SHISA6: variants seen among roughly 807,000 people sequenced by gnomAD.
The protein encoded by SHISA6 is protein shisa-6.
SHISA6 carries 22 observed loss-of-function variants against 47.9 expected under a neutral mutation model. The ratio of observed to expected loss-of-function variants is 0.46; its 90% CI spans 0.33 to 0.66. The LOEUF (loss-of-function observed/expected upper bound fraction) is 0.66. SHISA6 is among the 30% of genes least tolerant of loss of function. The pLI, the probability that SHISA6 is intolerant of heterozygous loss-of-function variation, is 0.02. For synonymous variants in SHISA6, 388 were observed against 337.8 expected (o/e 1.15, Z -1.63); for missense variants, 680 against 764.6 (o/e 0.89, Z 1.30).
In SHISA6 at chr17:11,525,637, AAAAAAAAAAAAAAAC is replaced by A. The variant is rs1465675992; in HGVS notation, c.896-26245_896-26231del. Among the ~76,000 whole-genome samples the A allele has an allele frequency of 6.0e-3, 550 of 92,376 alleles. 3 individuals are homozygous for A. The highest frequency in any genetic ancestry group is 0.023 in the African/African-American group (501 of 21,554). The allele number at this position is 92,376 out of a possible 152,430, so 60.6% of individuals were successfully genotyped here. ...ACAGAGCAAGACTCCGTCTCAAAAA[AAAAAAAAAAAAAAAC>A]AAAAAAAAAAAAACGTGTTATAATA... is the stretch of plus-strand genomic sequence containing the variant. On this transcript the variant is annotated intron_variant, in intron 3 of 5. Coordinates refer to ENST00000441885, the MANE Select transcript of SHISA6 (RefSeq NM_207386.4).
intron 3 of SHISA6, among the ~76,000 whole-genome samples, chr17:11,467,650 C>G (rs1259907223): frequency 6.6e-6 from 1 of 152,182 alleles, no homozygotes. Context: ...CTTTCACTTC[C>G]TCTTAACTGG....
At chr17:11,490,503 T>C (rs1916447112) in intron 3 of SHISA6, among the ~76,000 whole-genome samples, 2 of 152,058 alleles carry the variant, frequency 1.3e-5, no homozygotes, top group African/African-American at 4.8e-5. Context: ...CTTTGCAAGC[T>C]TCAGGGAGTG....
chr17:11,467,804 G>A (rs11867182), intron 3 of SHISA6, among the ~76,000 whole-genome samples: 200 of 152,196 alleles, frequency 1.3e-3, no homozygotes, highest in African/African-American at 4.6e-3. Flanking sequence ...CTGAAAGCAG[G>A]GTTTGCTTTG....
At chr17:11,337,407 G>A (rs911497447) in intron 2 of SHISA6, among the ~76,000 whole-genome samples, 2 of 152,096 alleles carry the variant, frequency 1.3e-5, no homozygotes, top group Non-Finnish European at 2.9e-5. Flanking sequence ...CATGCACTTC[G>A]GGCTTGCACC....
chr17:11,287,878 T>A (rs564035341), intron 2 of SHISA6, among the ~76,000 whole-genome samples: 4 of 152,284 alleles, frequency 2.6e-5, no homozygotes, highest in African/African-American at 9.6e-5. Context: ...AGATCATTGT[T>A]AGTAACAGCT....
chr17:11,549,698 C>T (rs2071913664), intron 3 of SHISA6, among the ~76,000 whole-genome samples: 1 of 152,150 alleles, frequency 6.6e-6, no homozygotes, highest in Non-Finnish European at 1.5e-5. Context: ...AGAAGTGTTT[C>T]TTACTGACTG....
intron 2 of SHISA6, among the ~76,000 whole-genome samples, chr17:11,265,565 C>T (rs185126667): frequency 2.4e-4 from 37 of 152,274 alleles, no homozygotes; most frequent in African/African-American, 7.9e-4. Flanking sequence ...CACTGTTGAA[C>T]CCAACTCTGG....
chr17:11,320,594 G>T (rs971606697), intron 2 of SHISA6, among the ~76,000 whole-genome samples: 5 of 152,040 alleles, frequency 3.3e-5, no homozygotes, highest in African/African-American at 1.2e-4. Flanking sequence ...GGAGGTGGAG[G>T]CTTCAGTGAG....
chr17:11,364,620 A>G (rs1912385744), intron 2 of SHISA6, among the ~76,000 whole-genome samples: 1 of 152,174 alleles, frequency 6.6e-6, no homozygotes, highest in African/African-American at 2.4e-5. Context: ...CATTCTGGCT[A>G]TTTTCAATTC....
chr17:11,512,117 C>T (rs778308901), intron 3 of SHISA6, among the ~76,000 whole-genome samples: 1 of 152,194 alleles, frequency 6.6e-6, no homozygotes, highest in South Asian at 2.1e-4. Context: ...AATTTCATGT[C>T]GGCACCCTTT....
At chr17:11,256,591 C>T (rs551989913) in intron 1 of SHISA6, among the ~76,000 whole-genome samples, 19 of 152,306 alleles carry the variant, frequency 1.2e-4, no homozygotes, top group African/African-American at 4.3e-4. Context: ...GTTATGAACT[C>T]ATCTGTCCCC....
At chr17:11,370,629 C>T (rs1326909343) in intron 2 of SHISA6, among the ~76,000 whole-genome samples, 1 of 152,184 alleles carries the variant, frequency 6.6e-6, no homozygotes, top group Non-Finnish European at 1.5e-5. Flanking sequence ...GCCTGTGCTC[C>T]TCAAGCTTCC....
chr17:11,356,098 G>A (rs915496943), intron 2 of SHISA6, among the ~76,000 whole-genome samples: 2 of 152,214 alleles, frequency 1.3e-5, no homozygotes, highest in Admixed American at 1.3e-4. Flanking sequence ...AAAGTTAGTT[G>A]TATGTAGAGA....
chr17:11,428,505 A>G (rs1329653682), intron 3 of SHISA6, among the ~76,000 whole-genome samples: 1 of 152,254 alleles, frequency 6.6e-6, no homozygotes, highest in African/African-American at 2.4e-5. Context: ...TCTTTAAGGC[A>G]GGGATATGTT....
intron 2 of SHISA6, among the ~76,000 whole-genome samples, chr17:11,303,954 G>A (rs2142179909): frequency 6.6e-6 from 1 of 152,328 alleles, no homozygotes; most frequent in South Asian, 2.1e-4. Flanking sequence ...TTTCCAGCGT[G>A]CCAAAAGCTG....
rs189102125 is a variant in SHISA6 at position 11,454,947 on chromosome 17, A to G, written c.895+75438A>G. Among the ~76,000 whole-genome samples, 477 of 152,214 alleles carry G rather than the reference A, an allele frequency of 3.1e-3. 2 individuals are homozygous for G. The highest frequency in any genetic ancestry group is 5.0e-3 in the Non-Finnish European group (339 of 68,022). ...CACTTTGGGAGGCCAAGGTGGGTGG[A>G]TCACGAGGTCAGGAGATCAAGACCA... On this transcript the variant is annotated intron_variant, in intron 3 of 5. Transcript: ENST00000441885.
chr17:11,521,586 C>T (rs1197067032), intron 3 of SHISA6, among the ~76,000 whole-genome samples: 1 of 152,002 alleles, frequency 6.6e-6, no homozygotes, highest in Non-Finnish European at 1.5e-5. Flanking sequence ...GAGTTCGAGA[C>T]CAGCCTGGAC....
chr17:11,356,707 C>T (rs1912089284), intron 2 of SHISA6, among the ~76,000 whole-genome samples: 1 of 152,106 alleles, frequency 6.6e-6, no homozygotes. Context: ...ACCAGCCCTC[C>T]CCTCTATAAC....
intron 3 of SHISA6, among the ~76,000 whole-genome samples, chr17:11,462,545 C>T (rs1267691559): frequency 6.6e-6 from 1 of 152,140 alleles, no homozygotes; most frequent in Admixed American, 6.5e-5. Context: ...TTGGGCAACC[C>T]TCAATAAGAG....
Sources: allele counts gnomAD v4.1 joint callset (sites outside exome capture counted in the v4.1 genomes callset), GRCh38; gene constraint gnomAD v4.1.1; transcripts MANE v1.5; gene names NCBI Gene and HGNC (gene_info 2026-07-23, HGNC 2026-07-21).